The following SEPTIN14 variants were observed in gnomAD, a reference collection of about 807,000 sequenced individuals.
The protein encoded by SEPTIN14 is septin 14, also known as septin-14.
Under a neutral mutation model 53.6 loss-of-function variants are expected in SEPTIN14, and 40 were observed. That is an observed-to-expected ratio of 0.75 (90% CI 0.58 to 0.97). The LOEUF (loss-of-function observed/expected upper bound fraction) is 0.97, where lower values mean the gene tolerates loss of function less well. Among genes scored for constraint, SEPTIN14 ranks in the 50% least tolerant of loss-of-function variants. The pLI is 0.00. For missense variants in SEPTIN14, 471 were observed against 508.2 expected (o/e 0.93, Z 0.70); for synonymous variants, 138 against 166.8 (o/e 0.83, Z 1.33).
At chr7:55,802,732 C>CA (rs1788542825) in intron 9 of SEPTIN14, among the ~76,000 whole-genome samples, 1 of 149,968 alleles carries the variant, frequency 6.7e-6, no homozygotes, top group Non-Finnish European at 1.5e-5. Context: ...ACAACATAGG[C>CA]AAAAATGGAC....
intron 9 of SEPTIN14, among the ~76,000 whole-genome samples, chr7:55,804,134 TA>T (rs35467838): frequency 0.034 from 1,595 of 46,974 alleles, 3 homozygotes; most frequent in Admixed American, 0.044. Context: ...AGACTCTGTC[TA>T]AAAAAAAAAA....
intron 7 of SEPTIN14, among the ~76,000 whole-genome samples, chr7:55,813,060 C>T (rs192214538): frequency 2.6e-5 from 4 of 152,124 alleles, no homozygotes; most frequent in African/African-American, 7.2e-5. Flanking sequence ...AGTGATTCTC[C>T]GGCCTCAGCC....
chr7:55,819,013 C>T (rs760993077), intron 7 of SEPTIN14, 114 bp downstream of exon 7: 4 of 650,580 alleles, frequency 6.1e-6, no homozygotes, highest in African/African-American at 5.5e-5. Context: ...TGTTAACTTA[C>T]AGATTAGCAA....
chr7:55,798,122 G>A (rs946585612), intron 9 of SEPTIN14: 3 of 192,416 alleles, frequency 1.6e-5, no homozygotes, highest in Non-Finnish European at 3.3e-5. Flanking sequence ...GTGGAACCTC[G>A]CTCTTTGGCT....
Position 55,794,636 on chromosome 7 carries a change from A to C in SEPTIN14, c.*1277T>G, listed in dbSNP as rs1272182794. ...TGATTTAACAATATGTATAAAAGTC[A>C]TTGTGGGTCAGGCACAGTGGCTTAT... is the stretch of plus-strand genomic sequence containing the variant. On this transcript the variant is annotated 3_prime_UTR_variant, in exon 10 of 10. Coordinates refer to ENST00000388975, the MANE Select transcript of SEPTIN14 (RefSeq NM_207366.3). 6.6e-6 allele frequency: 1 copy of C among 152,208 alleles called. No homozygotes were observed. The highest frequency in any genetic ancestry group is 1.5e-5 in the Non-Finnish European group (1 of 68,038). The allele number at this position is 152,208 out of a possible 1,614,324, so 9.4% of individuals were successfully genotyped here.
intron 6 of SEPTIN14, among the ~76,000 whole-genome samples, chr7:55,824,005 T>C (rs1478058024): frequency 1.3e-5 from 2 of 151,980 alleles, no homozygotes; most frequent in Admixed American, 6.6e-5. Flanking sequence ...CTTTTATGCC[T>C]GCACCACCAG....
intron 5 of SEPTIN14, among the ~76,000 whole-genome samples, chr7:55,840,004 G>C (rs1410434500): frequency 1.3e-5 from 2 of 151,276 alleles, no homozygotes; most frequent in African/African-American, 4.9e-5. Flanking sequence ...AATTAGCTGG[G>C]TGTAGTGGTG....
At chr7:55,837,020 C>T (rs933549882) in intron 5 of SEPTIN14, among the ~76,000 whole-genome samples, 2 of 151,594 alleles carry the variant, frequency 1.3e-5, no homozygotes, top group African/African-American at 4.9e-5. Context: ...TTTGTTAGGG[C>T]TGAGTGCAGA....
intron 6 of SEPTIN14, among the ~76,000 whole-genome samples, chr7:55,822,856 CAAAAAAA>C (rs148179709): frequency 9.6e-6 from 1 of 104,430 alleles, no homozygotes; most frequent in Non-Finnish European, 2.0e-5. Flanking sequence ...CAGGGGAAAG[CAAAAAAA>C]AAAAAAAAAA....
In SEPTIN14 at chr7:55,807,251, AT is replaced by A; in HGVS notation, c.824del (p.Asn275MetfsTer22). On this transcript the variant is annotated frameshift_variant, in exon 8 of 10. Transcript: ENST00000388975. LOFTEE classifies it high-confidence loss of function. The part of the protein sequence containing the change: ...HYPWGVLQVE[N>X]ENHCDFVKLR... The stretch of plus-strand genomic sequence containing the variant: ...GCTTAACGAAGTCACAGTGATTTTC[AT>A]TTTCCACTAGTAAAAAAATAATAAT... 1 of 1,570,956 alleles carries A rather than the reference AT, an allele frequency of 6.4e-7. No individual in the cohort carries two copies. Among genetic ancestry groups the A allele is most frequent in the Non-Finnish European group, 8.6e-7 (1 of 1,163,470 alleles).
chr7:55,861,510 A>G (rs555360279), intron 2 of SEPTIN14, among the ~76,000 whole-genome samples: 1 of 152,166 alleles, frequency 6.6e-6, no homozygotes, highest in East Asian at 1.9e-4. Context: ...TCAAAAAAAA[A>G]AAAAAAACTT....
intron 5 of SEPTIN14, among the ~76,000 whole-genome samples, chr7:55,841,226 T>C (rs1307437864): frequency 4.6e-5 from 7 of 152,134 alleles, no homozygotes; most frequent in Non-Finnish European, 1.0e-4. Flanking sequence ...GATCTATTTA[T>C]TGAATTTCTG....
chr7:55,857,372 CGAAAA>C (rs995189496), intron 2 of SEPTIN14, among the ~76,000 whole-genome samples: 48 of 133,986 alleles, frequency 3.6e-4, no homozygotes, highest in African/African-American at 9.5e-4. Flanking sequence ...AACTCTGTCT[CGAAAA>C]GAAAAGAAAA....
Position 55,858,899 on chromosome 7 carries a change from T to C in SEPTIN14, c.54+3044A>G, listed in dbSNP as rs114488825. On this transcript the variant is annotated intron_variant, in intron 2 of 9. Transcript: ENST00000388975. ...CTCAGAGAAACACAAACCTCTGTACTAAAGGCCTGGTAAAAGAAAAGGCAT... is the reference window on the plus strand; with the variant it reads ...CTCAGAGAAACACAAACCTCTGTACCAAAGGCCTGGTAAAAGAAAAGGCAT... 6.9e-3 allele frequency among the ~76,000 whole-genome samples: 1,057 copies of C among 152,256 alleles called. 15 individuals are homozygous for C. Among genetic ancestry groups the C allele is most frequent in the African/African-American group, 0.024 (976 of 41,532 alleles).
intron 5 of SEPTIN14, 46 bp from the exon 6 acceptor site, chr7:55,834,632 C>T: frequency 1.3e-6 from 2 of 1,503,840 alleles, no homozygotes; most frequent in Non-Finnish European, 1.8e-6. Flanking sequence ...GTTCATCTCA[C>T]AGTTTTTTTG....
At chr7:55,798,186 GC>G in intron 9 of SEPTIN14, 1 of 234,168 alleles carries the variant, frequency 4.3e-6, no homozygotes, top group Non-Finnish European at 8.5e-6. Context: ...GCCACGCAAA[GC>G]CCAGCAACCT....
chr7:55,811,481 T>A (rs2115975341), intron 7 of SEPTIN14: 5 of 313,308 alleles, frequency 1.6e-5, no homozygotes, highest in South Asian at 3.2e-5. Flanking sequence ...CAATTTTAAA[T>A]CAAGTTTTAC....
intron 2 of SEPTIN14, among the ~76,000 whole-genome samples, chr7:55,860,044 T>C (rs1789716941): frequency 6.6e-6 from 1 of 151,944 alleles, no homozygotes; most frequent in African/African-American, 2.4e-5. Context: ...CCAGGCATGG[T>C]GGCGCATGCC....
chr7:55,799,998 T>C (rs905875233), intron 9 of SEPTIN14, among the ~76,000 whole-genome samples: 1 of 152,190 alleles, frequency 6.6e-6, no homozygotes, highest in Non-Finnish European at 1.5e-5. Flanking sequence ...AAAATGACTC[T>C]TAACAAATTT....
Sources: gnomAD v4.1 joint callset for allele counts (sites outside exome capture counted in the v4.1 genomes callset) on GRCh38, gnomAD v4.1.1 for gene constraint, MANE v1.5 for transcripts, NCBI Gene and HGNC (gene_info 2026-07-23, HGNC 2026-07-21) for gene names.